FMN2: variants seen among roughly 807,000 people sequenced by gnomAD.
FMN2 encodes the protein formin-2.
In FMN2, 51 loss-of-function variants were observed where a neutral mutation model predicts 142.3. The ratio of observed to expected loss-of-function variants is 0.36; its 90% CI spans 0.29 to 0.45. The LOEUF (loss-of-function observed/expected upper bound fraction) is 0.45. Among genes scored for constraint, FMN2 ranks in the 20% least tolerant of loss-of-function variants. FMN2 has a pLI of 1.00. For synonymous variants in FMN2, 882 were observed against 869.8 expected (o/e 1.01, Z -0.25); for missense variants, 1,936 against 2,122.8 (o/e 0.91, Z 1.73).
chr1:240,138,491 G>A (rs1010206639), intron 2 of FMN2, among the ~76,000 whole-genome samples: 3 of 151,896 alleles, frequency 2.0e-5, no homozygotes, highest in Non-Finnish European at 4.4e-5. Context: ...CTTAAGGTCA[G>A]GAGTTCAAGA....
chr1:240,312,486 G>A (rs759177035), intron 8 of FMN2, among the ~76,000 whole-genome samples: 2 of 152,166 alleles, frequency 1.3e-5, no homozygotes, highest in African/African-American at 2.4e-5. Flanking sequence ...CTGATCTGAT[G>A]AAAGTTCTGT....
intron 16 of FMN2, among the ~76,000 whole-genome samples, chr1:240,460,332 C>G (rs1676406197): frequency 1.3e-5 from 2 of 152,236 alleles, no homozygotes; most frequent in Non-Finnish European, 2.9e-5. Flanking sequence ...TGGCTCGTGC[C>G]TGTAACACCA....
chr1:240,380,726 A>G (rs879888126), intron 14 of FMN2, among the ~76,000 whole-genome samples: 1 of 151,908 alleles, frequency 6.6e-6, no homozygotes, highest in Non-Finnish European at 1.5e-5. Context: ...AAAAAAAAAA[A>G]AAAGAAATGG....
intron 15 of FMN2, among the ~76,000 whole-genome samples, chr1:240,404,825 C>A (rs569055777): frequency 9.2e-5 from 14 of 152,116 alleles, no homozygotes; most frequent in African/African-American, 2.4e-4. Flanking sequence ...AGGTGGAGAT[C>A]GCTCCTGAAG....
rs1239724678 is a variant in FMN2 at position 240,439,753 on chromosome 1, T to C, written c.5060+1543T>C. 2.0e-5 allele frequency among the ~76,000 whole-genome samples: 3 copies of C among 152,186 alleles called. No individual in the cohort carries two copies. In the East Asian group the frequency reaches 5.8e-4, roughly 29 times the overall value. On this transcript the variant is annotated intron_variant, in intron 16 of 17. Transcript: ENST00000319653. ...CGTATGCGAATCACTGTTCTTTTCC[T>C]TCAGACTAAGTCATATATTAAGTGA... is the stretch of plus-strand genomic sequence containing the variant.
intron 1 of FMN2, among the ~76,000 whole-genome samples, chr1:240,109,198 G>A (rs893247164): frequency 6.6e-6 from 1 of 152,194 alleles, no homozygotes; most frequent in African/African-American, 2.4e-5. Context: ...GCCCTCTCAT[G>A]TATATAACCT....
intron 10 of FMN2, 39 bp downstream of exon 10, chr1:240,329,507 T>C (rs1351786716): frequency 1.2e-6 from 2 of 1,602,266 alleles, no homozygotes; most frequent in Admixed American, 1.7e-5. Flanking sequence ...TTGAGTCTCA[T>C]TTAATTGTGC....
chr1:240,358,564 G>C (rs753132898), intron 14 of FMN2, among the ~76,000 whole-genome samples: 2 of 152,118 alleles, frequency 1.3e-5, no homozygotes, highest in African/African-American at 2.4e-5. Context: ...GGAGGCCTCA[G>C]GAAACTTACA....
At chr1:240,230,700 A>C (rs1181127136) in intron 6 of FMN2, among the ~76,000 whole-genome samples, 1 of 131,810 alleles carries the variant, frequency 7.6e-6, no homozygotes, top group Admixed American at 7.2e-5. Context: ...TTTCTCTTTT[A>C]ATACTCTCCT....
intron 4 of FMN2, among the ~76,000 whole-genome samples, chr1:240,189,394 C>T (rs965201762): frequency 1.2e-4 from 19 of 152,166 alleles, no homozygotes; most frequent in Non-Finnish European, 2.4e-4. Context: ...GGGTTTTACA[C>T]CCGGATCTAT....
At position 240,129,564 on chromosome 1, in the gene FMN2, G is replaced by A. The variant is rs903390330; in HGVS notation, c.1782+6219G>A. Among the ~76,000 whole-genome samples, 210 of 147,240 alleles carry A rather than the reference G, an allele frequency of 1.4e-3. 2 individuals carry two copies. Among genetic ancestry groups the A allele is most frequent in the African/African-American group, 5.0e-3 (196 of 39,462 alleles). ...GTCACCCAGGCTGGAGTACAGTGGC[G>A]TGATCTCAACTCACTGCAACCTCCG... On this transcript the variant is annotated intron_variant, in intron 2 of 17. Transcript: ENST00000319653.
At chr1:240,159,972 T>TACACACACACACAC (rs767025880) in intron 2 of FMN2, among the ~76,000 whole-genome samples, 1 of 126,476 alleles carries the variant, frequency 7.9e-6, no homozygotes, top group African/African-American at 3.2e-5. Flanking sequence ...TATATATATA[T>TACACACACACACAC]ATACACACAC....
chr1:240,223,900 G>C (rs1246363179), intron 6 of FMN2, among the ~76,000 whole-genome samples: 2 of 151,658 alleles, frequency 1.3e-5, no homozygotes, highest in Admixed American at 6.6e-5. Context: ...TCTGGCTAGT[G>C]GTCTATTTTG....
intron 15 of FMN2, among the ~76,000 whole-genome samples, chr1:240,422,231 A>T (rs1674792949): frequency 6.6e-6 from 1 of 152,092 alleles, no homozygotes; most frequent in Non-Finnish European, 1.5e-5. Flanking sequence ...GCTATTCCAG[A>T]TCTTTTGCTT....
intron 7 of FMN2, among the ~76,000 whole-genome samples, chr1:240,292,722 T>G (rs988832): frequency 4.3e-4 from 66 of 152,162 alleles, no homozygotes; most frequent in African/African-American, 1.6e-3. Flanking sequence ...TGTTAGCATA[T>G]GCTTTTTAAA....
chr1:240,176,357 G>C (rs964155949), intron 2 of FMN2, among the ~76,000 whole-genome samples: 4 of 152,210 alleles, frequency 2.6e-5, no homozygotes, highest in Admixed American at 1.3e-4. Context: ...TTGAGAGTCA[G>C]AGCGTGGCCA....
intron 13 of FMN2, among the ~76,000 whole-genome samples, chr1:240,334,715 A>G (rs1475600644): frequency 1.3e-5 from 2 of 152,246 alleles, no homozygotes; most frequent in African/African-American, 4.8e-5. Context: ...ACATAAAATT[A>G]TTTTGAAGAA....
chr1:240,289,424 T>C (rs1669700716), intron 7 of FMN2, among the ~76,000 whole-genome samples: 1 of 152,088 alleles, frequency 6.6e-6, no homozygotes, highest in East Asian at 1.9e-4. Flanking sequence ...TCTCAGCACT[T>C]TGGAAGCCTG....
chr1:240,447,103 A>G (rs1029577136), intron 16 of FMN2, among the ~76,000 whole-genome samples: 5 of 152,218 alleles, frequency 3.3e-5, no homozygotes, highest in Middle Eastern at 3.2e-3. Context: ...ATGTTAGACC[A>G]AGACATGTTA....
Sources: gnomAD v4.1 joint callset for allele counts (sites outside exome capture counted in the v4.1 genomes callset) on GRCh38, gnomAD v4.1.1 for gene constraint, MANE v1.5 for transcripts, NCBI Gene and HGNC (gene_info 2026-07-23, HGNC 2026-07-21) for gene names.